The following SLC44A3 variants were observed in gnomAD, a reference collection of about 807,000 sequenced individuals.
SLC44A3 encodes solute carrier family 44 member 3.
SLC44A3 carries 74 observed loss-of-function variants against 75.4 expected under a neutral mutation model. The observed-to-expected ratio is 0.98, with a 90% CI of 0.81 to 1.19. SLC44A3 has a LOEUF of 1.19. SLC44A3 is among the 50% of genes most tolerant of loss of function. The pLI, the probability that SLC44A3 is intolerant of heterozygous loss-of-function variation, is 0.00. For synonymous variants in SLC44A3, 310 were observed against 296.9 expected (o/e 1.04, Z -0.45); for missense variants, 700 against 778.6 (o/e 0.90, Z 1.20).
chr1:94,834,495 C>CT (rs1007793745), intron 5 of SLC44A3, among the ~76,000 whole-genome samples: 19 of 150,786 alleles, frequency 1.3e-4, no homozygotes, highest in African/African-American at 2.7e-4. Flanking sequence ...TCCTTTTTTT[C>CT]TTTTTTTTTG....
chr1:94,874,185 T>A (rs923495011), intron 12 of SLC44A3, among the ~76,000 whole-genome samples: 4 of 152,230 alleles, frequency 2.6e-5, no homozygotes, highest in Admixed American at 2.6e-4. Flanking sequence ...TAGAAAGGAA[T>A]TAAGACACCT....
chr1:94,883,525 A>C (rs567398911), intron 12 of SLC44A3, among the ~76,000 whole-genome samples: 1 of 152,174 alleles, frequency 6.6e-6, no homozygotes, highest in Non-Finnish European at 1.5e-5. Flanking sequence ...AAACAAACAA[A>C]GACAACTTAG....
intron 12 of SLC44A3, among the ~76,000 whole-genome samples, chr1:94,880,712 A>C (rs1315070306): frequency 6.6e-6 from 1 of 152,142 alleles, no homozygotes; most frequent in Non-Finnish European, 1.5e-5. Flanking sequence ...TCATGGAAAC[A>C]ATGTAAAAAG....
chr1:94,826,505 G>A (rs1396013823), intron 3 of SLC44A3, among the ~76,000 whole-genome samples: 1 of 152,038 alleles, frequency 6.6e-6, no homozygotes, highest in East Asian at 1.9e-4. Flanking sequence ...ACAAAAATTA[G>A]CCAGGTGTGG....
intron 14 of SLC44A3, among the ~76,000 whole-genome samples, chr1:94,893,521 C>G (rs1670446829): frequency 6.6e-6 from 1 of 152,050 alleles, no homozygotes; most frequent in South Asian, 2.1e-4. Flanking sequence ...GCTGGGATTA[C>G]AGGCGTGCAC....
intron 9 of SLC44A3, among the ~76,000 whole-genome samples, chr1:94,852,866 T>A (rs929637544): frequency 6.6e-6 from 1 of 152,112 alleles, no homozygotes; most frequent in Non-Finnish European, 1.5e-5. Context: ...GGGCAAGAAT[T>A]TGAGTATAGC....
At chr1:94,835,573 T>C (rs1662670042) in intron 5 of SLC44A3, among the ~76,000 whole-genome samples, 1 of 152,224 alleles carries the variant, frequency 6.6e-6, no homozygotes, top group Admixed American at 6.5e-5. Flanking sequence ...ATTTAAAGTT[T>C]ACTTTTAAAA....
chr1:94,881,572 C>G (rs1428379455), intron 12 of SLC44A3, among the ~76,000 whole-genome samples: 1 of 149,760 alleles, frequency 6.7e-6, no homozygotes, highest in Non-Finnish European at 1.5e-5. Flanking sequence ...GGCATGGTGG[C>G]GGGTGCCTGT....
chr1:94,824,635 A>T lies in SLC44A3; in HGVS notation c.278A>T (p.Lys93Ile), dbSNP rs1557796745. 6.3e-7 allele frequency: 1 copy of T among 1,577,136 alleles called. No individual in the cohort carries two copies. The highest frequency in any genetic ancestry group is 8.6e-7 in the Non-Finnish European group (1 of 1,167,298). The change falls in exon 3 of 15, where the codon AAA becomes ATA. Residue 93 changes from lysine (K) to isoleucine (I), a missense_variant and splice_region_variant. Coordinates refer to ENST00000271227, the MANE Select transcript of SLC44A3 (RefSeq NM_001114106.3). Reference sequence around the variant, plus strand: ...TCAGGGCAGGACATGACCCTAAAAAAGTAAGTATCTAAATAAGTCCCCAGT... The same window carrying T: ...TCAGGGCAGGACATGACCCTAAAAATGTAAGTATCTAAATAAGTCCCCAGT... Reference protein sequence around the residue: ...PLSGQDMTLKKHVFFMNSCNL... With the variant: ...PLSGQDMTLKIHVFFMNSCNL...
intron 6 of SLC44A3, among the ~76,000 whole-genome samples, chr1:94,839,223 C>A (rs945552683): frequency 6.6e-6 from 1 of 152,056 alleles, no homozygotes; most frequent in Non-Finnish European, 1.5e-5. Context: ...ATTAATCTTT[C>A]ATATTTAATA....
At position 94,853,895 on chromosome 1, in the gene SLC44A3, C is replaced by T. The variant is rs12566523; in HGVS notation, c.1073-3440C>T. ...TTTTTTTGCCTCATTTATTGTTCCGCCTAATAGCTGAGGTCCAGCATAATA... is the reference window on the plus strand; with the variant it reads ...TTTTTTTGCCTCATTTATTGTTCCGTCTAATAGCTGAGGTCCAGCATAATA... On this transcript the variant is annotated intron_variant, in intron 9 of 14. Coordinates refer to ENST00000271227, the MANE Select transcript of SLC44A3 (RefSeq NM_001114106.3). 0.015 allele frequency among the ~76,000 whole-genome samples: 2,221 copies of T among 150,136 alleles called. 214 individuals carry two copies. In the East Asian group the frequency reaches 0.21, roughly 14 times the overall value.
In SLC44A3 at chr1:94,824,192, T is replaced by C. The variant is rs187761866; in HGVS notation, c.136-301T>C. On this transcript the variant is annotated intron_variant, in intron 2 of 14. Transcript: ENST00000271227. ...AAAAATTGAATTGTCCCAGTAAAGT[T>C]AGACCAAAAAGAAAAATGATAGACT... Among the ~76,000 whole-genome samples, 78 of 151,870 alleles carry C rather than the reference T, an allele frequency of 5.1e-4. 1 individual carries two copies. Among genetic ancestry groups the C allele is most frequent in the Admixed American group, 4.2e-3 (64 of 15,254 alleles).
At chr1:94,820,611 T>C (rs1182289544) in intron 1 of SLC44A3, 133 bp downstream of exon 1, 2 of 1,369,984 alleles carry the variant, frequency 1.5e-6, no homozygotes, top group Non-Finnish European at 9.4e-7. Context: ...GCTTAGTACC[T>C]TGGGGCCACC....
chr1:94,864,643 A>C, intron 10 of SLC44A3, 100 bp from the exon 11 acceptor site: 1 of 1,276,176 alleles, frequency 7.8e-7, no homozygotes, highest in East Asian at 2.5e-5. Context: ...ATTATGTCAC[A>C]ACTTTCTAAG....
Position 94,879,770 on chromosome 1 carries a change from C to T in SLC44A3, c.1483-11360C>T, listed in dbSNP as rs191003900. 6.4e-3 allele frequency among the ~76,000 whole-genome samples: 937 copies of T among 146,864 alleles called. 7 individuals carry two copies. The highest frequency in any genetic ancestry group is 8.8e-3 in the Non-Finnish European group (591 of 67,358). ...AGGAAAATGGTGTGAACCTGGGAGG[C>T]GGAGCTTGCAGTGAGTCGAGACTGC... On this transcript the variant is annotated intron_variant, in intron 12 of 14. Coordinates refer to ENST00000271227, the MANE Select transcript of SLC44A3 (RefSeq NM_001114106.3).
At chr1:94,864,129 T>C (rs569057438) in intron 10 of SLC44A3, among the ~76,000 whole-genome samples, 1 of 152,320 alleles carries the variant, frequency 6.6e-6, no homozygotes, top group South Asian at 2.1e-4. Context: ...GAAACTGACT[T>C]GTACACATTC....
chr1:94,822,659 G>T (rs1335806557), intron 2 of SLC44A3, among the ~76,000 whole-genome samples: 2 of 152,116 alleles, frequency 1.3e-5, no homozygotes, highest in Non-Finnish European at 2.9e-5. Flanking sequence ...GTTTATATTT[G>T]CATTAAACAT....
intron 12 of SLC44A3, among the ~76,000 whole-genome samples, chr1:94,872,315 C>T (rs373289871): frequency 3.9e-5 from 6 of 151,984 alleles, no homozygotes; most frequent in Non-Finnish European, 7.4e-5. Context: ...TGGCTGGTCT[C>T]GAACTCCTGA....
chr1:94,867,314 T>C lies in SLC44A3; in HGVS notation c.1396-17T>C. On this transcript the variant is annotated splice_polypyrimidine_tract_variant and intron_variant, in intron 11 of 14. Transcript: ENST00000271227. ...TGTTGTTTTTGACTCTGTTCCTTTG[T>C]TCTCAACCTGATCCAGCAGCATGGT... The C allele has an allele frequency of 6.4e-7, 1 of 1,563,308 alleles. No homozygotes were observed. Among genetic ancestry groups the C allele is most frequent in the South Asian group, 1.2e-5 (1 of 84,316 alleles).
Sources: gnomAD v4.1 joint callset for allele counts (sites outside exome capture counted in the v4.1 genomes callset) on GRCh38, gnomAD v4.1.1 for gene constraint, MANE v1.5 for transcripts, NCBI Gene and HGNC (gene_info 2026-07-23, HGNC 2026-07-21) for gene names.